The following SCHIP1 variants were observed in gnomAD, a reference collection of about 807,000 sequenced individuals.
SCHIP1 encodes the protein schwannomin-interacting protein 1.
A neutral mutation model predicts 29.7 loss-of-function variants in SCHIP1; 8 were observed. The observed-to-expected ratio is 0.27, with a 90% CI of 0.16 to 0.49. The LOEUF is 0.49. Ranked by LOEUF, SCHIP1 falls within the 20% of genes least tolerant of loss-of-function variation. SCHIP1 has a pLI of 0.99. For synonymous variants in SCHIP1, 76 were observed against 94.9 expected, an observed-to-expected ratio of 0.80 and a Z score of 1.16; for missense variants, 193 against 294.6, an observed-to-expected ratio of 0.66 and a Z score of 2.52.
the SCHIP1 span, among the ~76,000 whole-genome samples, chr3:159,515,998 G>T: frequency 1.3e-5 from 2 of 151,490 alleles, no homozygotes; most frequent in East Asian, 3.9e-4. Flanking sequence ...AATTGGGGGG[G>T]AATTTTTGGA....
chr3:159,698,793 G>C, the SCHIP1 span, among the ~76,000 whole-genome samples: 3 of 151,944 alleles, frequency 2.0e-5, no homozygotes, highest in African/African-American at 7.2e-5. Context: ...CTACAGGCGT[G>C]CACCACCATG....
the SCHIP1 span, among the ~76,000 whole-genome samples, chr3:159,324,174 T>A: frequency 6.6e-6 from 1 of 152,294 alleles, no homozygotes; most frequent in African/African-American, 2.4e-5. Flanking sequence ...TATTGTCCAT[T>A]TGTATATTCA....
the SCHIP1 span, among the ~76,000 whole-genome samples, chr3:159,565,699 T>A: frequency 6.6e-6 from 1 of 152,362 alleles, no homozygotes; most frequent in South Asian, 2.1e-4. Flanking sequence ...GCCTCTGCAT[T>A]TTGTAAGGAA....
At chr3:159,564,812 G>A in the SCHIP1 span, among the ~76,000 whole-genome samples, 1 of 152,076 alleles carries the variant, frequency 6.6e-6, no homozygotes, top group South Asian at 2.1e-4. Context: ...GTTCATTTTT[G>A]TTGCTGTGTA....
the SCHIP1 span, among the ~76,000 whole-genome samples, chr3:159,547,999 C>A: frequency 6.6e-6 from 1 of 152,160 alleles, no homozygotes; most frequent in African/African-American, 2.4e-5. Flanking sequence ...AATGTTGAAC[C>A]AATCTTGTAT....
the SCHIP1 span, among the ~76,000 whole-genome samples, chr3:159,716,617 C>A: frequency 2.0e-5 from 3 of 152,160 alleles, no homozygotes; most frequent in Non-Finnish European, 2.9e-5. Context: ...GACTTTAAAC[C>A]AACAAAGATC....
At chr3:159,398,562 G>T in the SCHIP1 span, among the ~76,000 whole-genome samples, 340 of 152,272 alleles carry the variant, frequency 2.2e-3, 1 homozygote, top group African/African-American at 7.8e-3. Context: ...GATTCCGGGG[G>T]AACAATTAGG....
At chr3:159,864,732 C>T (rs972012234) in intron 1 of SCHIP1, among the ~76,000 whole-genome samples, 13 of 152,058 alleles carry the variant, frequency 8.5e-5, no homozygotes, top group Non-Finnish European at 1.9e-4. Flanking sequence ...GAGCCTGGGG[C>T]ATTCTAATGC....
the SCHIP1 span, among the ~76,000 whole-genome samples, chr3:159,801,047 A>G: frequency 1.3e-5 from 2 of 151,908 alleles, no homozygotes; most frequent in East Asian, 3.8e-4. Context: ...CTGCCTTGTA[A>G]AAACGTCCAC....
chr3:159,846,768 C>G (rs556857892), intron 1 of SCHIP1, among the ~76,000 whole-genome samples: 64 of 151,904 alleles, frequency 4.2e-4, no homozygotes, highest in African/African-American at 1.5e-3. Flanking sequence ...ATTGTTTTGC[C>G]TGTTTAAAGT....
the SCHIP1 span, among the ~76,000 whole-genome samples, chr3:159,637,869 G>A: frequency 2.0e-5 from 3 of 151,982 alleles, no homozygotes; most frequent in Admixed American, 1.3e-4. Context: ...TCCCTGAGAG[G>A]GTAAATAAAA....
At chr3:159,354,070 T>G in the SCHIP1 span, among the ~76,000 whole-genome samples, 1 of 152,212 alleles carries the variant, frequency 6.6e-6, no homozygotes, top group African/African-American at 2.4e-5. Flanking sequence ...TTATTTTAAA[T>G]TTTTGTTTTC....
chr3:159,565,035 A>T, the SCHIP1 span, among the ~76,000 whole-genome samples: 1 of 152,218 alleles, frequency 6.6e-6, no homozygotes, highest in East Asian at 1.9e-4. Context: ...ATCATTTCAA[A>T]TAGTTTTACA....
At chr3:159,315,447 C>G in the SCHIP1 span, among the ~76,000 whole-genome samples, 4 of 145,356 alleles carry the variant, frequency 2.8e-5, no homozygotes, top group Non-Finnish European at 4.5e-5. Flanking sequence ...CCAGGATGGT[C>G]TCGATCTCCT....
chr3:159,430,782 G>C, the SCHIP1 span, among the ~76,000 whole-genome samples: 1 of 152,180 alleles, frequency 6.6e-6, no homozygotes, highest in African/African-American at 2.4e-5. Context: ...GCATGAGATA[G>C]AGCGGGCAAG....
the SCHIP1 span, among the ~76,000 whole-genome samples, chr3:159,533,160 C>T: frequency 6.6e-6 from 1 of 152,074 alleles, no homozygotes; most frequent in African/African-American, 2.4e-5. Context: ...AAAAAGAGCA[C>T]ATGGCAAAGG....
chr3:159,745,153 G>C, the SCHIP1 span, among the ~76,000 whole-genome samples: 16 of 152,304 alleles, frequency 1.1e-4, no homozygotes, highest in African/African-American at 3.8e-4. Flanking sequence ...TTACTTCACT[G>C]TTTACATGCC....
chr3:159,526,603 T>C, the SCHIP1 span, among the ~76,000 whole-genome samples: 4 of 152,226 alleles, frequency 2.6e-5, no homozygotes, highest in African/African-American at 9.6e-5. Context: ...AATGATAGGT[T>C]ATAAAATTAG....
the SCHIP1 span, among the ~76,000 whole-genome samples, chr3:159,437,137 G>T: frequency 6.6e-6 from 1 of 152,058 alleles, no homozygotes; most frequent in Admixed American, 6.6e-5. Context: ...AGTGTATAAA[G>T]ACTTCCCTTA....
Sources: allele counts gnomAD v4.1 joint callset (sites outside exome capture counted in the v4.1 genomes callset), GRCh38; gene constraint gnomAD v4.1.1; transcripts MANE v1.5; gene names NCBI Gene and HGNC (gene_info 2026-07-23, HGNC 2026-07-21).